Variants in SDK1 observed in about 807,000 individuals in gnomAD.
The protein encoded by SDK1 is protein sidekick-1.
A neutral mutation model predicts 245.5 loss-of-function variants in SDK1; 157 were observed. The observed-to-expected ratio is 0.64, with a 90% CI of 0.56 to 0.73. The LOEUF (loss-of-function observed/expected upper bound fraction) is 0.73. Among genes scored for constraint, SDK1 ranks in the 30% least tolerant of loss-of-function variants. The pLI is 0.00. For synonymous variants in SDK1, 1,647 were observed against 1,278.5 expected, an observed-to-expected ratio of 1.29 and a Z score of -6.15; for missense variants, 3,583 against 3,002.3, an observed-to-expected ratio of 1.19 and a Z score of -4.52.
At chr7:3,819,081 A>G (rs902550330) in intron 4 of SDK1, among the ~76,000 whole-genome samples, 2 of 152,186 alleles carry the variant, frequency 1.3e-5, no homozygotes, top group East Asian at 3.8e-4. Context: ...ATGGTTTTGG[A>G]TGTTTTATTT....
chr7:3,820,650 G>A (rs1343949624), intron 4 of SDK1, among the ~76,000 whole-genome samples: 1 of 152,180 alleles, frequency 6.6e-6, no homozygotes, highest in African/African-American at 2.4e-5. Flanking sequence ...ATGATTGGAT[G>A]AGTATTAATC....
At chr7:3,326,706 T>C (rs992384227) in intron 1 of SDK1, among the ~76,000 whole-genome samples, 14 of 152,138 alleles carry the variant, frequency 9.2e-5, no homozygotes, top group African/African-American at 3.4e-4. Context: ...TCATGGAAAA[T>C]GTAAATACAT....
intron 1 of SDK1, among the ~76,000 whole-genome samples, chr7:3,325,727 T>G (rs890369471): frequency 1.1e-4 from 17 of 152,160 alleles, no homozygotes; most frequent in African/African-American, 3.9e-4. Context: ...CCAGAAAAAT[T>G]GCTGGATAAT....
At chr7:3,983,322 G>A (rs992981756) in intron 13 of SDK1, among the ~76,000 whole-genome samples, 12 of 152,092 alleles carry the variant, frequency 7.9e-5, no homozygotes, top group Non-Finnish European at 1.8e-4. Flanking sequence ...GTCCGTTGAT[G>A]CGCCAGGCTT....
At chr7:3,506,264 G>A (rs1405361819) in intron 1 of SDK1, among the ~76,000 whole-genome samples, 1 of 151,998 alleles carries the variant, frequency 6.6e-6, no homozygotes, top group East Asian at 1.9e-4. Flanking sequence ...CAGGGTGATA[G>A]TTTTATTTAT....
At chr7:3,362,490 C>G (rs977774676) in intron 1 of SDK1, among the ~76,000 whole-genome samples, 2 of 152,132 alleles carry the variant, frequency 1.3e-5, no homozygotes, top group African/African-American at 2.4e-5. Context: ...TTTACCATAT[C>G]TAAAGGAATG....
intron 4 of SDK1, among the ~76,000 whole-genome samples, chr7:3,674,091 G>T (rs922789780): frequency 2.0e-5 from 3 of 152,160 alleles, no homozygotes; most frequent in African/African-American, 7.2e-5. Flanking sequence ...AAACATCTCT[G>T]AATGGCACAG....
At position 4,114,062 on chromosome 7, in the gene SDK1, G is replaced by A; in HGVS notation, c.3611G>A (p.Gly1204Glu). Residue 1204 changes from glycine (G) to glutamate (E), a missense_variant, in exon 25 of 45, where the codon GGG (glycine) becomes GAG (glutamate). Physicochemically the swap from Gly to Glu is moderately conservative, Grantham distance 98. Coordinates refer to ENST00000404826, the MANE Select transcript of SDK1 (RefSeq NM_152744.4). Reference sequence around the variant, plus strand: ...CCCCTGCCGGATTCTCAGTACAACGGGAACCCCGAGTCCGTGGGCTACAGG... The same window carrying A: ...CCCCTGCCGGATTCTCAGTACAACGAGAACCCCGAGTCCGTGGGCTACAGG... Reference protein sequence around the residue: ...WVPLPDSQYNGNPESVGYRIK... With the variant: ...WVPLPDSQYNENPESVGYRIK... 6.2e-7 allele frequency: 1 copy of A among 1,614,168 alleles called. No individual in the cohort carries two copies. Among genetic ancestry groups the A allele is most frequent in the Non-Finnish European group, 8.5e-7 (1 of 1,180,036 alleles).
intron 35 of SDK1, among the ~76,000 whole-genome samples, chr7:4,188,383 T>A (rs192494073): frequency 6.6e-6 from 1 of 152,312 alleles, no homozygotes. Flanking sequence ...GTCAAGGTTG[T>A]CTCCACGGCT....
Position 4,237,649 on chromosome 7 carries a change from C to G in SDK1, c.5995C>G (p.Gln1999Glu), listed in dbSNP as rs766487847. 20 of 1,614,016 alleles carry G rather than the reference C, an allele frequency of 1.2e-5. No individual in the cohort carries two copies. In the South Asian group the frequency reaches 2.1e-4, roughly 17 times the overall value. Reference sequence around the variant, plus strand: ...GTGTGTCCGTGTCTTTTCCACAGCTCAAGTGGAAGCCCCATTCTACGAGGA... The same window carrying G: ...GTGTGTCCGTGTCTTTTCCACAGCTGAAGTGGAAGCCCCATTCTACGAGGA... ...PSNPSTAVSAQVEAPFYEEWW... is the reference protein window; with the variant it reads ...PSNPSTAVSAEVEAPFYEEWW... The change falls in exon 42 of 45, where the codon CAA (glutamine) becomes GAA (glutamate). Residue 1999 changes from glutamine (Q) to glutamate (E), a missense_variant and splice_region_variant. Gln to Glu is a conservative substitution (Grantham distance 29, BLOSUM62 2). Transcript: ENST00000404826.
At chr7:3,771,834 A>G (rs375837935) in intron 4 of SDK1, among the ~76,000 whole-genome samples, 20 of 152,312 alleles carry the variant, frequency 1.3e-4, no homozygotes, top group African/African-American at 4.8e-4. Flanking sequence ...TTGTTGTACA[A>G]CCATCACCCC....
At chr7:3,769,918 G>A (rs750824440) in intron 4 of SDK1, among the ~76,000 whole-genome samples, 57 of 149,870 alleles carry the variant, frequency 3.8e-4, no homozygotes, top group Non-Finnish European at 5.0e-4. Flanking sequence ...TTTTCTCAGT[G>A]TTATTTGTAC....
chr7:3,933,476 C>A (rs1780052977), intron 5 of SDK1, among the ~76,000 whole-genome samples: 1 of 152,062 alleles, frequency 6.6e-6, no homozygotes. Context: ...TGAACGCTAT[C>A]AAAGGATGTG....
At chr7:4,238,347 T>C (rs902806684) in intron 42 of SDK1, among the ~76,000 whole-genome samples, 2 of 152,076 alleles carry the variant, frequency 1.3e-5, no homozygotes, top group Non-Finnish European at 2.9e-5. Flanking sequence ...CCCAAAGTGT[T>C]GGGATTACAG....
chr7:4,209,733 T>C (rs551819242), intron 37 of SDK1, among the ~76,000 whole-genome samples: 69 of 152,316 alleles, frequency 4.5e-4, no homozygotes, highest in Admixed American at 1.2e-3. Flanking sequence ...CGTTTCATTT[T>C]CTATTTCCAT....
chr7:3,688,810 A>G lies in SDK1; in HGVS notation c.713+46705A>G, dbSNP rs137910224. ...AGGCCTCAGTTTGGATCCTGCCTCCATTCTGAGGCACACACCGCTCATGGC... is the reference window on the plus strand; with the variant it reads ...AGGCCTCAGTTTGGATCCTGCCTCCGTTCTGAGGCACACACCGCTCATGGC... On this transcript the variant is annotated intron_variant, in intron 4 of 44. Coordinates refer to ENST00000404826, the MANE Select transcript of SDK1 (RefSeq NM_152744.4). Among the ~76,000 whole-genome samples the G allele has an allele frequency of 5.5e-3, 840 of 152,306 alleles. 4 individuals are homozygous for G. Among genetic ancestry groups the G allele is most frequent in the African/African-American group, 0.02 (811 of 41,570 alleles).
rs555320066 is a variant in SDK1 at position 3,425,587 on chromosome 7, T to C, written c.298+123703T>C. On this transcript the variant is annotated intron_variant, in intron 1 of 44. Coordinates refer to ENST00000404826, the MANE Select transcript of SDK1 (RefSeq NM_152744.4). ...AGTCAGAATGGAAAACAAATTTATATAGTGGAAATCTCATTAATGGGAATG... is the reference window on the plus strand; with the variant it reads ...AGTCAGAATGGAAAACAAATTTATACAGTGGAAATCTCATTAATGGGAATG... Among the ~76,000 whole-genome samples the C allele has an allele frequency of 5.3e-4, 81 of 152,336 alleles. 1 individual carries two copies. The highest frequency in any genetic ancestry group is 1.8e-3 in the African/African-American group (76 of 41,586).
chr7:3,353,521 T>C (rs1265155175), intron 1 of SDK1, among the ~76,000 whole-genome samples: 2 of 152,208 alleles, frequency 1.3e-5, no homozygotes, highest in African/African-American at 2.4e-5. Flanking sequence ...TTATGCTCTT[T>C]GTAAAATTGG....
chr7:4,178,233 C>T (rs1348634144), intron 34 of SDK1, among the ~76,000 whole-genome samples: 2 of 152,186 alleles, frequency 1.3e-5, no homozygotes, highest in Admixed American at 1.3e-4. Flanking sequence ...GGAGGGAGCT[C>T]CGTGCTGCCT....
Sources: gnomAD v4.1 joint callset for allele counts (sites outside exome capture counted in the v4.1 genomes callset) on GRCh38, gnomAD v4.1.1 for gene constraint, MANE v1.5 for transcripts, NCBI Gene and HGNC (gene_info 2026-07-23, HGNC 2026-07-21) for gene names.